BACE2: variants seen among roughly 807,000 people sequenced by gnomAD.
BACE2 encodes the protein 56 kDa aspartic-like protease.
BACE2 carries 17 observed loss-of-function variants against 46.2 expected under a neutral mutation model. The observed-to-expected ratio is 0.37, with a 90% confidence interval of 0.25 to 0.55. The LOEUF is 0.55. Ranked by LOEUF, BACE2 falls within the 20% of genes least tolerant of loss-of-function variation. BACE2 has a pLI of 0.82. For synonymous variants in BACE2, 277 were observed against 295.9 expected, an observed-to-expected ratio of 0.94 and a Z score of 0.66; for missense variants, 595 against 698.1, an observed-to-expected ratio of 0.85 and a Z score of 1.66.
At chr21:41,244,228 A>T (rs1453844358) in intron 5 of BACE2, among the ~76,000 whole-genome samples, 2 of 152,208 alleles carry the variant, frequency 1.3e-5, no homozygotes, top group African/African-American at 2.4e-5. Context: ...TACCCATCAC[A>T]TCCCAACATC....
At chr21:41,221,547 C>T (rs974064490) in intron 1 of BACE2, among the ~76,000 whole-genome samples, 7 of 152,218 alleles carry the variant, frequency 4.6e-5, no homozygotes, top group African/African-American at 1.4e-4. Context: ...GAGTGTCGGC[C>T]GGGCGCGGTG....
chr21:41,240,285 T>C (rs1987249589), intron 3 of BACE2, among the ~76,000 whole-genome samples: 1 of 152,198 alleles, frequency 6.6e-6, no homozygotes. Context: ...CCTACTGGGC[T>C]TCTAACACTA....
intron 1 of BACE2, among the ~76,000 whole-genome samples, chr21:41,211,751 T>C (rs1404111186): frequency 6.6e-6 from 1 of 152,266 alleles, no homozygotes; most frequent in Non-Finnish European, 1.5e-5. Context: ...ATTAACCTGC[T>C]GAAATAGAGA....
chr21:41,219,397 T>C (rs1986570761), intron 1 of BACE2, among the ~76,000 whole-genome samples: 1 of 152,238 alleles, frequency 6.6e-6, no homozygotes, highest in East Asian at 1.9e-4. Context: ...CAGTGTCACA[T>C]AGGAAGAGAT....
chr21:41,273,229 T>C (rs1297155512), intron 8 of BACE2, among the ~76,000 whole-genome samples: 2 of 152,202 alleles, frequency 1.3e-5, no homozygotes, highest in African/African-American at 4.8e-5. Context: ...AATGAAGCTT[T>C]GGGCACGCAT....
At chr21:41,207,944 T>A (rs1050515056) in intron 1 of BACE2, among the ~76,000 whole-genome samples, 1 of 152,222 alleles carries the variant, frequency 6.6e-6, no homozygotes, top group Admixed American at 6.5e-5. Context: ...GGCATGCTGC[T>A]CTGTGGCCCC....
intron 8 of BACE2, among the ~76,000 whole-genome samples, chr21:41,258,707 ATAAATAAAATCAT>A (rs1987853347): frequency 1.3e-5 from 2 of 152,378 alleles, no homozygotes; most frequent in Admixed American, 1.3e-4. Context: ...CATATTCTGT[ATAAATAAAATCAT>A]CCAACCCAGT....
intron 3 of BACE2, 76 bp from the exon 4 acceptor site, chr21:41,241,743 G>A (rs554649880): frequency 2.0e-4 from 310 of 1,538,356 alleles, no homozygotes; most frequent in East Asian, 4.3e-4. Flanking sequence ...TCTGTGGCGC[G>A]TGGCGTCTAC....
chr21:41,219,334 A>G (rs1279245743), intron 1 of BACE2, among the ~76,000 whole-genome samples: 2 of 152,264 alleles, frequency 1.3e-5, no homozygotes, highest in Admixed American at 1.3e-4. Context: ...ATTAAACACC[A>G]GAAATCTGTA....
At chr21:41,194,958 G>A (rs538858674) in intron 1 of BACE2, among the ~76,000 whole-genome samples, 1 of 152,192 alleles carries the variant, frequency 6.6e-6, no homozygotes, top group Non-Finnish European at 1.5e-5. Context: ...GGGAAGAAGC[G>A]GACCCAGTTA....
chr21:41,213,136 G>A (rs528863353), intron 1 of BACE2, among the ~76,000 whole-genome samples: 4 of 152,212 alleles, frequency 2.6e-5, no homozygotes, highest in African/African-American at 9.6e-5. Context: ...GGCACTGTGG[G>A]GACCATCAAA....
chr21:41,271,790 T>G (rs1465077062), intron 8 of BACE2, among the ~76,000 whole-genome samples: 1 of 152,202 alleles, frequency 6.6e-6, no homozygotes, highest in Non-Finnish European at 1.5e-5. Flanking sequence ...GCTATTGTCA[T>G]CCATTTTACC....
At chr21:41,264,738 C>T (rs192696058) in intron 8 of BACE2, among the ~76,000 whole-genome samples, 2 of 152,258 alleles carry the variant, frequency 1.3e-5, no homozygotes, top group East Asian at 3.9e-4. Context: ...CCATCTCCAA[C>T]ACTTGGGATC....
intron 2 of BACE2, among the ~76,000 whole-genome samples, chr21:41,228,581 G>A (rs769437168): frequency 1.3e-5 from 2 of 152,186 alleles, no homozygotes; most frequent in Non-Finnish European, 2.9e-5. Context: ...GGGGAAGGAC[G>A]TGCCAGACTT....
At chr21:41,229,127 C>A (rs1986904368) in intron 2 of BACE2, among the ~76,000 whole-genome samples, 1 of 152,194 alleles carries the variant, frequency 6.6e-6, no homozygotes, top group African/African-American at 2.4e-5. Flanking sequence ...CAGGACCTTC[C>A]CCATTGAGAA....
chr21:41,226,712 C>G lies in BACE2; in HGVS notation c.401+358C>G, dbSNP rs562898358. ...AGTGGAGGTGGGCTGGAGCAGGGGA[C>G]GAGGTCTTGGGAGTCTGTGAGGCCA... On this transcript the variant is annotated intron_variant, in intron 2 of 8. Coordinates refer to ENST00000330333, the MANE Select transcript of BACE2 (RefSeq NM_012105.5). Among the ~76,000 whole-genome samples the G allele has an allele frequency of 2.4e-4, 37 of 152,154 alleles. 1 individual carries two copies. The South Asian group carries it at 7.7e-3, about 32-fold the overall frequency.
intron 3 of BACE2, 42 bp downstream of exon 3, chr21:41,237,771 T>C (rs1437654215): frequency 1.3e-6 from 2 of 1,544,796 alleles, no homozygotes; most frequent in South Asian, 1.1e-5. Context: ...AATAACAGGA[T>C]GAGATTCTGA....
intron 1 of BACE2, among the ~76,000 whole-genome samples, chr21:41,210,367 A>G (rs1986259866): frequency 6.6e-6 from 1 of 152,146 alleles, no homozygotes; most frequent in Non-Finnish European, 1.5e-5. Context: ...GACCAGTACT[A>G]ATGTTAAAAT....
intron 7 of BACE2, among the ~76,000 whole-genome samples, chr21:41,252,159 C>A (rs1190311200): frequency 1.3e-5 from 2 of 152,168 alleles, no homozygotes; most frequent in Admixed American, 1.3e-4. Context: ...AGCAGTGCGT[C>A]CCCATGATTT....
Sources: allele counts gnomAD v4.1 joint callset (sites outside exome capture counted in the v4.1 genomes callset), GRCh38; gene constraint gnomAD v4.1.1; transcripts MANE v1.5; gene names NCBI Gene and HGNC (gene_info 2026-07-23, HGNC 2026-07-21).